Variants in FAM240C observed in about 807,000 individuals in gnomAD.
The protein encoded by FAM240C is family with sequence similarity 240 member C, also known as protein FAM240C.
In FAM240C, 14 loss-of-function variants were observed where a neutral mutation model predicts 10.0. The observed-to-expected ratio is 1.40, with a 90% CI of 0.92 to 2.19. The LOEUF (loss-of-function observed/expected upper bound fraction) is 2.19. Among genes scored for constraint, FAM240C ranks in the 30% most tolerant of loss-of-function variants. The pLI, the probability that FAM240C is intolerant of heterozygous loss-of-function variation, is 0.00. For synonymous variants in FAM240C, 49 were observed against 44.3 expected (o/e 1.11, Z -0.42); for missense variants, 154 against 122.3 (o/e 1.26, Z -1.22).
intron 1 of FAM240C, chr2:241,899,143 C>T (rs2124926738): frequency 1.5e-6 from 2 of 1,304,266 alleles, no homozygotes; most frequent in Admixed American, 2.3e-5. Context: ...GTAAGGGTGC[C>T]TTCTGGAGCT....
At position 241,897,256 on chromosome 2, in the gene FAM240C, T is replaced by C. The variant is rs1701871944; in HGVS notation, c.91A>G (p.Lys31Glu). 1 of 1,549,848 alleles carries C rather than the reference T, an allele frequency of 6.5e-7. No homozygotes were observed. Among genetic ancestry groups the C allele is most frequent in the African/African-American group, 1.4e-5 (1 of 72,990 alleles). The change falls in exon 2 of 3, where the codon AAA becomes GAA. Residue 31 changes from lysine to glutamate, a missense_variant. Physicochemically the swap from Lys to Glu is moderately conservative, Grantham distance 56. Coordinates refer to ENST00000404031, the MANE Select transcript of FAM240C (RefSeq NM_001382368.1). ...TGTCTTGCGTGATGCTCGATTTTTT[T>C]CTCCCAAAACATCTTTATCCCGCCT... ...DSGGIKMFWE[K>E]KIEHHARHLQ...
chr2:241,896,112 C>A (rs1701792951), intron 2 of FAM240C, among the ~76,000 whole-genome samples: 1 of 152,128 alleles, frequency 6.6e-6, no homozygotes, highest in Non-Finnish European at 1.5e-5. Flanking sequence ...TGAAGGGGTA[C>A]CACGGCTCTC....
intron 1 of FAM240C, among the ~76,000 whole-genome samples, chr2:241,898,289 G>A (rs964154104): frequency 2.6e-5 from 4 of 152,146 alleles, no homozygotes; most frequent in African/African-American, 9.7e-5. Flanking sequence ...GGTGGCTCAC[G>A]CCTGTAATCC....
chr2:241,901,088 T>G (rs1318593922), upstream of FAM240C, among the ~76,000 whole-genome samples: 1 of 152,066 alleles, frequency 6.6e-6, no homozygotes. This position sits in a 1 kb window ranked among gnomAD's most constrained non-coding sequence, Gnocchi z 4.9. Flanking sequence ...GATTCCTCCT[T>G]CCTCCACCGC....
In FAM240C at chr2:241,900,045, C is replaced by T. The variant is rs6737028; in HGVS notation, c.12+313G>A. 2.3e-3 allele frequency among the ~76,000 whole-genome samples: 346 copies of T among 151,968 alleles called. No homozygotes were observed. The highest frequency in any genetic ancestry group is 3.4e-3 in the Non-Finnish European group (232 of 67,960). On this transcript the variant is annotated intron_variant, in intron 1 of 2. Coordinates refer to ENST00000404031, the MANE Select transcript of FAM240C (RefSeq NM_001382368.1). This position sits in a 1 kb window ranked among gnomAD's most constrained non-coding sequence, Gnocchi z 4.5. ...TCATGCCACTGCACTCCAGCCTGGGCGACAGAGCGAGACTCCATCTCATAA... is the reference window on the plus strand; with the variant it reads ...TCATGCCACTGCACTCCAGCCTGGGTGACAGAGCGAGACTCCATCTCATAA...
intron 1 of FAM240C, among the ~76,000 whole-genome samples, chr2:241,899,930 C>G (rs571335222): frequency 6.6e-6 from 1 of 152,030 alleles, no homozygotes; most frequent in East Asian, 1.9e-4. Context: ...AGCCGGGCGT[C>G]GTGGTGGGCG....
At chr2:241,898,288 C>T (rs563879113) in intron 1 of FAM240C, among the ~76,000 whole-genome samples, 12 of 152,308 alleles carry the variant, frequency 7.9e-5, no homozygotes, top group African/African-American at 2.6e-4. Context: ...TGGTGGCTCA[C>T]GCCTGTAATC....
rs1009274411 is a variant in FAM240C, at chr2:241,897,266, C to G, written c.81G>C (p.Met27Ile). 1.2e-5 allele frequency: 19 copies of G among 1,549,802 alleles called. No individual in the cohort carries two copies. The highest frequency in any genetic ancestry group is 1.6e-5 in the Non-Finnish European group (18 of 1,146,556). The change falls in exon 2 of 3, where the codon ATG (methionine) becomes ATC (isoleucine). Residue 27 changes from methionine to isoleucine, a missense_variant. Coordinates refer to ENST00000404031, the MANE Select transcript of FAM240C (RefSeq NM_001382368.1). ...GATGCTCGATTTTTTTCTCCCAAAA[C>G]ATCTTTATCCCGCCTGAATCGTATG... ...RVAYDSGGIK[M>I]FWEKKIEHHA...
rs781434874 is a variant in FAM240C at position 241,897,179 on chromosome 2, G to A, written c.161+7C>T. ...GGGTCCCCGATGCACTGCACACCCC[G>A]ACTCACTTGTTCAGAGCGCTTCTGC... On this transcript the variant is annotated splice_region_variant and intron_variant, in intron 2 of 2. Coordinates refer to ENST00000404031, the MANE Select transcript of FAM240C (RefSeq NM_001382368.1). 1.7e-5 allele frequency: 26 copies of A among 1,549,258 alleles called. No homozygotes were observed. Among genetic ancestry groups the A allele is most frequent in the South Asian group, 1.2e-4 (10 of 84,042 alleles).
intron 2 of FAM240C, 101 bp downstream of exon 2, chr2:241,897,085 C>T (rs1029393971): frequency 2.2e-6 from 3 of 1,337,870 alleles, no homozygotes; most frequent in African/African-American, 2.9e-5. Context: ...GGGCTGAGGG[C>T]CAGGGCTGTG....
chr2:241,894,131 C>T lies in FAM240C; in HGVS notation c.*82G>A, dbSNP rs6734453. 1,172 of 1,439,864 alleles carry T rather than the reference C, an allele frequency of 8.1e-4. 8 individuals are homozygous for T. In the African/African-American group the frequency reaches 0.014, roughly 17 times the overall value. The allele number at this position is 1,439,864 out of a possible 1,614,324, so 89.2% of individuals were successfully genotyped here. On this transcript the variant is annotated 3_prime_UTR_variant, in exon 3 of 3. Transcript: ENST00000404031. Reference sequence around the variant, plus strand: ...ATGATGAAGATCCTGTGAACTCTGGCGTGGATGCTTGGACCCCACGCGTGG... The same window carrying T: ...ATGATGAAGATCCTGTGAACTCTGGTGTGGATGCTTGGACCCCACGCGTGG...
At position 241,900,346 on chromosome 2, in the gene FAM240C, C is replaced by G. The variant is rs752120523; in HGVS notation, c.12+12G>C. ...AGCAAGGACAGCGCCTGTCACATCA[C>G]AGAGAGCTTACTTTTCCAACCATTT... On this transcript the variant is annotated intron_variant, in intron 1 of 2. Transcript: ENST00000404031. This position sits in a 1 kb window ranked among gnomAD's most constrained non-coding sequence, Gnocchi z 4.5. 1.5e-5 allele frequency: 11 copies of G among 717,224 alleles called. No individual in the cohort carries two copies. The highest frequency in any genetic ancestry group is 2.6e-5 in the Non-Finnish European group (10 of 385,080). 44.4% of individuals were successfully genotyped at this position (717,224 alleles called of 1,614,324 possible). A position where few individuals can be genotyped will look rare whatever the true frequency, so the allele number is the denominator to read the frequency against.
At position 241,894,587 on chromosome 2, in the gene FAM240C, G is replaced by A. The variant is rs1007899098; in HGVS notation, c.162-248C>T. 2.4e-5 allele frequency among the ~76,000 whole-genome samples: 3 copies of A among 125,288 alleles called. No individual in the cohort carries two copies. The South Asian group carries it at 8.5e-4, about 35-fold the overall frequency. The allele number at this position is 125,288 out of a possible 152,430, so 82.2% of individuals were successfully genotyped here. On this transcript the variant is annotated intron_variant, in intron 2 of 2. Transcript: ENST00000404031. ...CCAGTGGTTGGTGGGGGGGGGGGGG[G>A]GCGTCTCACTCAGGACCCTCCTCAC... is the stretch of plus-strand genomic sequence containing the variant.
intron 2 of FAM240C, among the ~76,000 whole-genome samples, chr2:241,896,484 GGAAGGGGGTGTGGGT>G (rs148179979): frequency 0.13 from 14,708 of 116,658 alleles, 3,082 homozygotes; most frequent in Non-Finnish European, 0.16. Context: ...AGATGGCGGG[GGAAGGGGGTGTGGGT>G]GAAGGGGGTG....
chr2:241,902,562 C>G (rs865913223), upstream of FAM240C: 93 of 152,966 alleles, frequency 6.1e-4, no homozygotes, highest in African/African-American at 2.2e-3. This position sits in a 1 kb window ranked among gnomAD's most constrained non-coding sequence, Gnocchi z 7.1. Flanking sequence ...TGAGCCTTCC[C>G]CGTGTGCGGC....
chr2:241,896,359 G>C (rs951055307), intron 2 of FAM240C, among the ~76,000 whole-genome samples: 8 of 152,166 alleles, frequency 5.3e-5, no homozygotes, highest in African/African-American at 1.9e-4. Context: ...CTGCTAGGAG[G>C]AGGAAGGGCA....
upstream of FAM240C, among the ~76,000 whole-genome samples, chr2:241,902,241 C>A (rs1701999767): frequency 6.6e-6 from 1 of 151,776 alleles, no homozygotes; most frequent in Admixed American, 6.6e-5. This position sits in a 1 kb window ranked among gnomAD's most constrained non-coding sequence, Gnocchi z 7.1. Context: ...CCACCCCCAC[C>A]CCATCAGAGG....
chr2:241,901,593 G>A (rs1701985073), upstream of FAM240C, among the ~76,000 whole-genome samples: 1 of 152,114 alleles, frequency 6.6e-6, no homozygotes, highest in African/African-American at 2.4e-5. The surrounding 1 kb of genome is among the most constrained non-coding windows in gnomAD (Gnocchi z 4.9). Context: ...CCTGCGAACT[G>A]GGGTTAGGCC....
intron 1 of FAM240C, chr2:241,899,263 C>T: frequency 7.7e-7 from 1 of 1,291,968 alleles, no homozygotes; most frequent in Non-Finnish European, 1.0e-6. Context: ...CCTGCGCAGC[C>T]TGTTGTGATG....
Sources: allele counts gnomAD v4.1 joint callset (sites outside exome capture counted in the v4.1 genomes callset), GRCh38; gene constraint gnomAD v4.1.1; non-coding constraint Gnocchi (gnomAD v3.1); transcripts MANE v1.5; gene names NCBI Gene and HGNC (gene_info 2026-07-23, HGNC 2026-07-21).